The following LRP1B variants were observed in gnomAD, a reference collection of about 807,000 sequenced individuals.
The protein encoded by LRP1B is low-density lipoprotein receptor-related protein 1B.
Under a neutral mutation model 556.6 loss-of-function variants are expected in LRP1B, and 217 were observed. That is an observed-to-expected ratio of 0.39 (90% CI 0.35 to 0.44). LRP1B has a LOEUF of 0.44. LRP1B is among the 20% of genes least tolerant of loss of function. The pLI, the probability that LRP1B is intolerant of heterozygous loss-of-function variation, is 1.00. For synonymous variants in LRP1B, 2,047 were observed against 1,865.8 expected, an observed-to-expected ratio of 1.10 and a Z score of -2.50; for missense variants, 5,053 against 5,620.8, an observed-to-expected ratio of 0.90 and a Z score of 3.23.
intron 3 of LRP1B, among the ~76,000 whole-genome samples, chr2:141,381,773 A>AACAAG (rs1689652712): frequency 6.6e-6 from 1 of 152,164 alleles, no homozygotes; most frequent in Non-Finnish European, 1.5e-5. Context: ...AACAAAACAA[A>AACAAG]AAACCTGCCA....
intron 41 of LRP1B, among the ~76,000 whole-genome samples, chr2:140,608,327 T>A (rs968137648): frequency 6.6e-6 from 1 of 152,170 alleles, no homozygotes; most frequent in East Asian, 1.9e-4. Flanking sequence ...CTGGTTCCAG[T>A]GAATGAGAAC....
At chr2:141,720,761 A>C (rs1171411374) in intron 2 of LRP1B, among the ~76,000 whole-genome samples, 1 of 152,090 alleles carries the variant, frequency 6.6e-6, no homozygotes, top group African/African-American at 2.4e-5. Flanking sequence ...AGGTCTACTA[A>C]ATGAGTCAAC....
chr2:140,506,740 G>GT lies in LRP1B; in HGVS notation c.8521+55dup, dbSNP rs1689432553. On this transcript the variant is annotated intron_variant, in intron 53 of 90. Coordinates refer to ENST00000389484, the MANE Select transcript of LRP1B (RefSeq NM_018557.3). ...GCTTTAGTTTTTTATTTACATACTA[G>GT]TTTTGAAAGACTCTTAGCCTAGGAA... 3 of 1,562,274 alleles carry GT rather than the reference G, an allele frequency of 1.9e-6. No homozygotes were observed. In the South Asian group the frequency reaches 3.6e-5, roughly 19 times the overall value.
chr2:141,189,218 T>C (rs1224109874), intron 6 of LRP1B, among the ~76,000 whole-genome samples: 1 of 152,006 alleles, frequency 6.6e-6, no homozygotes, highest in African/African-American at 2.4e-5. Context: ...TCTACAGTGA[T>C]GGTGAGAAAA....
At chr2:141,173,658 G>C (rs1378333826) in intron 7 of LRP1B, among the ~76,000 whole-genome samples, 1 of 152,024 alleles carries the variant, frequency 6.6e-6, no homozygotes, top group African/African-American at 2.4e-5. Flanking sequence ...GTCTTCACTT[G>C]GTGTGGGTAG....
chr2:140,940,269 T>A (rs1029603367), intron 20 of LRP1B, among the ~76,000 whole-genome samples: 2 of 152,174 alleles, frequency 1.3e-5, no homozygotes, highest in African/African-American at 2.4e-5. Flanking sequence ...CAATTTTTTA[T>A]ATGTTTATTT....
intron 41 of LRP1B, among the ~76,000 whole-genome samples, chr2:140,603,912 T>C (rs1331030078): frequency 2.0e-5 from 3 of 152,088 alleles, no homozygotes; most frequent in Non-Finnish European, 4.4e-5. Context: ...TATTTCTCAA[T>C]TTTGTGATTA....
At chr2:141,045,275 TG>T (rs1423281813) in intron 11 of LRP1B, among the ~76,000 whole-genome samples, 2 of 63,208 alleles carry the variant, frequency 3.2e-5, no homozygotes, top group African/African-American at 6.7e-5. Flanking sequence ...TGTTGTGGGG[TG>T]GGGGGAGGGG....
At chr2:141,297,466 T>A (rs1168336652) in intron 3 of LRP1B, among the ~76,000 whole-genome samples, 1 of 151,900 alleles carries the variant, frequency 6.6e-6, no homozygotes, top group African/African-American at 2.4e-5. Context: ...CTTGGGACAA[T>A]TTTTTTTAAG....
chr2:141,287,934 CT>C (rs1685782446), intron 3 of LRP1B, among the ~76,000 whole-genome samples: 1 of 152,178 alleles, frequency 6.6e-6, no homozygotes, highest in South Asian at 2.1e-4. Context: ...TTATATGAAA[CT>C]TTTAAAATTC....
At chr2:141,971,880 T>C (rs1185337564) in intron 1 of LRP1B, among the ~76,000 whole-genome samples, 2 of 151,460 alleles carry the variant, frequency 1.3e-5, no homozygotes, top group African/African-American at 4.8e-5. Context: ...AGGCTAGAAA[T>C]TGTAGGCACT....
chr2:141,049,249 A>G (rs112763280), intron 10 of LRP1B, 27 bp from the exon 11 acceptor site: 2 of 1,402,938 alleles, frequency 1.4e-6, no homozygotes. Context: ...ACAAACACAA[A>G]CAACTGATGC....
chr2:141,917,383 T>G (rs981012393), intron 1 of LRP1B, among the ~76,000 whole-genome samples: 2 of 152,136 alleles, frequency 1.3e-5, no homozygotes, highest in Non-Finnish European at 2.9e-5. Context: ...AAGTATCCTT[T>G]GATTTTGCTT....
chr2:141,719,090 G>C (rs1692725641), intron 2 of LRP1B, among the ~76,000 whole-genome samples: 1 of 152,068 alleles, frequency 6.6e-6, no homozygotes, highest in Non-Finnish European at 1.5e-5. Context: ...TTTATGAGCA[G>C]TCTTGTCAGT....
chr2:140,553,638 A>G (rs1395351951), intron 43 of LRP1B, among the ~76,000 whole-genome samples: 8 of 152,076 alleles, frequency 5.3e-5, no homozygotes, highest in Non-Finnish European at 2.9e-5. Flanking sequence ...TTAAGCCTGA[A>G]GCAAGAAATA....
At chr2:140,488,303 AGT>A (rs565108523) in intron 57 of LRP1B, among the ~76,000 whole-genome samples, 29 of 152,212 alleles carry the variant, frequency 1.9e-4, no homozygotes, top group Middle Eastern at 3.4e-3. Flanking sequence ...TTGGCAATAC[AGT>A]GTGATATTAG....
chr2:141,224,254 A>G (rs115145296), intron 6 of LRP1B, among the ~76,000 whole-genome samples: 58 of 152,330 alleles, frequency 3.8e-4, no homozygotes, highest in African/African-American at 1.2e-3. Flanking sequence ...ATAGCTCAAC[A>G]TCACTGATTA....
chr2:141,563,689 T>C (rs918933712), intron 2 of LRP1B, among the ~76,000 whole-genome samples: 5 of 152,044 alleles, frequency 3.3e-5, no homozygotes, highest in Admixed American at 6.6e-5. Flanking sequence ...AGAAAACGTA[T>C]GGTGTAAGAA....
chr2:142,035,396 T>C (rs1194331141), intron 1 of LRP1B, among the ~76,000 whole-genome samples: 2 of 151,594 alleles, frequency 1.3e-5, no homozygotes, highest in East Asian at 3.9e-4. Context: ...GAAATACAGG[T>C]GCCTGGGCCC....
Sources: allele counts gnomAD v4.1 joint callset (sites outside exome capture counted in the v4.1 genomes callset), GRCh38; gene constraint gnomAD v4.1.1; transcripts MANE v1.5; gene names NCBI Gene and HGNC (gene_info 2026-07-23, HGNC 2026-07-21).